The following ATP6V0A1 variants were observed in gnomAD, a reference collection of about 807,000 sequenced individuals.
ATP6V0A1 encodes the protein V-type proton ATPase 116 kDa subunit a 1.
ATP6V0A1 carries 43 observed loss-of-function variants against 105.4 expected under a neutral mutation model. The ratio of observed to expected loss-of-function variants is 0.41; its 90% CI spans 0.32 to 0.53. ATP6V0A1 has a LOEUF of 0.53. Ranked by LOEUF, ATP6V0A1 falls within the 20% of genes least tolerant of loss-of-function variation. The pLI is 0.30. For synonymous variants in ATP6V0A1, 362 were observed against 372.8 expected (o/e 0.97, Z 0.33); for missense variants, 676 against 1,051.1 (o/e 0.64, Z 4.93).
intron 2 of ATP6V0A1, among the ~76,000 whole-genome samples, chr17:42,461,456 C>A (rs887363838): frequency 6.6e-6 from 1 of 152,172 alleles, no homozygotes; most frequent in Middle Eastern, 3.4e-3. Context: ...TTATACTGGG[C>A]ACTTGGAGAA....
chr17:42,477,530 G>A (rs946943067), intron 5 of ATP6V0A1, 130 bp from the exon 6 acceptor site: 25 of 794,768 alleles, frequency 3.1e-5, no homozygotes, highest in African/African-American at 7.0e-5. Context: ...TTGTCTTTTC[G>A]TGGTTTGTTT....
chr17:42,504,198 A>T (rs562706106), intron 17 of ATP6V0A1, among the ~76,000 whole-genome samples: 13 of 152,318 alleles, frequency 8.5e-5, no homozygotes, highest in African/African-American at 3.1e-4. Flanking sequence ...TTGACCCCAG[A>T]GGGCTGAGGA....
intron 11 of ATP6V0A1, among the ~76,000 whole-genome samples, chr17:42,490,870 A>AT (rs1008548963): frequency 6.0e-5 from 9 of 150,876 alleles, no homozygotes; most frequent in East Asian, 1.9e-4. Context: ...TTATTTTATG[A>AT]TTTTTTTTTG....
intron 13 of ATP6V0A1, among the ~76,000 whole-genome samples, chr17:42,495,402 A>G (rs1466811243): frequency 1.3e-5 from 2 of 151,752 alleles, no homozygotes; most frequent in Admixed American, 6.6e-5. Context: ...CTAAAACCAG[A>G]TTCCCCAGTT....
chr17:42,509,284 C>G (rs926838633), intron 19 of ATP6V0A1, among the ~76,000 whole-genome samples: 1 of 152,132 alleles, frequency 6.6e-6, no homozygotes, highest in Non-Finnish European at 1.5e-5. Context: ...GGCCACATCT[C>G]GAGTAGAAGG....
chr17:42,485,284 G>A (rs551248107), intron 9 of ATP6V0A1, among the ~76,000 whole-genome samples: 4 of 152,152 alleles, frequency 2.6e-5, no homozygotes, highest in Non-Finnish European at 1.5e-5. Context: ...GTGAGTGATA[G>A]GCTATATTAG....
At chr17:42,485,558 GTTTTGTTTTGTTTTA>G (rs2090025568) in intron 9 of ATP6V0A1, among the ~76,000 whole-genome samples, 1 of 151,928 alleles carries the variant, frequency 6.6e-6, no homozygotes, top group Non-Finnish European at 1.5e-5. Context: ...GTTTTGTTTT[GTTTTGTTTTGTTTTA>G]AAGACAGATC....
At chr17:42,479,046 A>T (rs1485142217) in intron 7 of ATP6V0A1, 1 of 152,368 alleles carries the variant, frequency 6.6e-6, no homozygotes, top group Non-Finnish European at 1.5e-5. Context: ...GCTGGGGATT[A>T]CAGGCATGTG....
At chr17:42,507,099 G>A (rs2092075295) in intron 17 of ATP6V0A1, among the ~76,000 whole-genome samples, 1 of 152,132 alleles carries the variant, frequency 6.6e-6, no homozygotes, top group African/African-American at 2.4e-5. Flanking sequence ...ATGTCACTTG[G>A]CCCCCCTTCC....
intron 18 of ATP6V0A1, 37 bp from the exon 19 acceptor site, chr17:42,508,535 C>T (rs755119888): frequency 3.7e-6 from 6 of 1,613,672 alleles, no homozygotes; most frequent in East Asian, 4.5e-5. Context: ...TTGTGTGTGG[C>T]GTGGCTCCCC....
chr17:42,473,159 G>A (rs1324388801), intron 5 of ATP6V0A1, among the ~76,000 whole-genome samples: 2 of 152,186 alleles, frequency 1.3e-5, no homozygotes, highest in African/African-American at 2.4e-5. Flanking sequence ...TCACAGAGTC[G>A]AGAATTTTGA....
At position 42,495,162 on chromosome 17, in the gene ATP6V0A1, A is replaced by ACGGC; in HGVS notation, c.1446_1449dup (p.Met484AlafsTer6). On this transcript the variant is annotated frameshift_variant, in exon 13 of 22. Coordinates refer to ENST00000343619, the MANE Select transcript of ATP6V0A1 (RefSeq NM_001130021.3). LOFTEE classifies it high-confidence loss of function. The stretch of plus-strand genomic sequence containing the variant: ...ATATCTTTGGGTCATCCTGGAGTGT[A>ACGGC]CGGCCGATGTTTACTTATAATTGGA... The ACGGC allele has an allele frequency of 6.2e-7, 1 of 1,613,464 alleles. No homozygotes were observed. Among genetic ancestry groups the ACGGC allele is most frequent in the Non-Finnish European group, 8.5e-7 (1 of 1,179,596 alleles).
chr17:42,520,524 C>CGGGGA, intron 21 of ATP6V0A1: 1 of 456,726 alleles, frequency 2.2e-6, no homozygotes, highest in Non-Finnish European at 4.4e-6. Context: ...CCTAACTCCC[C>CGGGGA]CTCTTTCCTT....
chr17:42,462,239 G>T (rs952385212), intron 2 of ATP6V0A1, among the ~76,000 whole-genome samples: 4 of 151,492 alleles, frequency 2.6e-5, no homozygotes, highest in African/African-American at 9.7e-5. Flanking sequence ...AAAAAGAGGT[G>T]GGGGGAGTAT....
At chr17:42,469,999 C>T (rs1011568029) in intron 4 of ATP6V0A1, 91 bp from the exon 5 acceptor site, 1 of 1,277,056 alleles carries the variant, frequency 7.8e-7, no homozygotes, top group Non-Finnish European at 1.1e-6. Context: ...GAACTATCGG[C>T]TTGGCAACAG....
intron 5 of ATP6V0A1, among the ~76,000 whole-genome samples, chr17:42,476,734 G>C (rs965313055): frequency 2.0e-5 from 3 of 152,134 alleles, no homozygotes; most frequent in Admixed American, 2.0e-4. Flanking sequence ...TGTATAAACT[G>C]TCATGGTGGA....
intron 4 of ATP6V0A1, among the ~76,000 whole-genome samples, chr17:42,469,790 G>A (rs1189160163): frequency 6.6e-6 from 1 of 152,100 alleles, no homozygotes; most frequent in African/African-American, 2.4e-5. Context: ...CTACAGTCAT[G>A]CGCCAGCACG....
rs74621736 is a variant in ATP6V0A1, at chr17:42,516,109, G to C, written c.2420+1649G>C. Among the ~76,000 whole-genome samples, 56 of 152,286 alleles carry C rather than the reference G, an allele frequency of 3.7e-4. 1 individual carries two copies. In the East Asian group the frequency reaches 0.01, roughly 28 times the overall value. ...TGCCTTAGAGGCCCCTGGATGGGAT[G>C]CTCTGTGGTGTTCATGATCTCAAGG... On this transcript the variant is annotated intron_variant, in intron 21 of 21. Coordinates refer to ENST00000343619, the MANE Select transcript of ATP6V0A1 (RefSeq NM_001130021.3).
At chr17:42,477,337 AAAATGGCTTCC>A (rs1166697461) in intron 5 of ATP6V0A1, among the ~76,000 whole-genome samples, 1 of 152,228 alleles carries the variant, frequency 6.6e-6, no homozygotes, top group Non-Finnish European at 1.5e-5. Context: ...CGTAGGAGAG[AAAATGGCTTCC>A]ACCAAGTAAC....
Sources: allele counts gnomAD v4.1 joint callset (sites outside exome capture counted in the v4.1 genomes callset), GRCh38; gene constraint gnomAD v4.1.1; transcripts MANE v1.5; gene names NCBI Gene and HGNC (gene_info 2026-07-23, HGNC 2026-07-21).